Variants in CEP112 observed in about 807,000 individuals in gnomAD.
CEP112 encodes centrosomal protein of 112 kDa.
CEP112 carries 127 observed loss-of-function variants against 153.0 expected under a neutral mutation model. That is an observed-to-expected ratio of 0.83 (90% confidence interval 0.72 to 0.96). The LOEUF (loss-of-function observed/expected upper bound fraction) is 0.96, where lower values mean the gene tolerates loss of function less well. Among genes scored for constraint, CEP112 ranks in the 40% least tolerant of loss-of-function variants. CEP112 has a pLI of 0.00. For missense variants in CEP112, 1,089 were observed against 1,101.2 expected, an observed-to-expected ratio of 0.99 and a Z score of 0.16; for synonymous variants, 358 against 374.4, an observed-to-expected ratio of 0.96 and a Z score of 0.51.
chr17:66,111,851 T>C (rs977815855), intron 6 of CEP112, among the ~76,000 whole-genome samples: 2 of 152,030 alleles, frequency 1.3e-5, no homozygotes, highest in African/African-American at 2.4e-5. Context: ...TAAAAAAGCA[T>C]CAGTAAGAGA....
intron 23 of CEP112, among the ~76,000 whole-genome samples, chr17:65,737,905 C>T (rs1016653413): frequency 2.0e-5 from 3 of 152,204 alleles, no homozygotes; most frequent in Non-Finnish European, 4.4e-5. Flanking sequence ...TGCATTCAGT[C>T]TATGTCTGTT....
At chr17:66,089,866 C>G (rs2068070936) in intron 8 of CEP112, among the ~76,000 whole-genome samples, 1 of 152,118 alleles carries the variant, frequency 6.6e-6, no homozygotes, top group Non-Finnish European at 1.5e-5. Context: ...TCAAGCAAGA[C>G]TATACCAAGC....
intron 4 of CEP112, among the ~76,000 whole-genome samples, chr17:66,168,405 GTA>G (rs1026056076): frequency 1.2e-4 from 16 of 136,694 alleles, no homozygotes; most frequent in East Asian, 2.0e-4. Context: ...ATATATATGT[GTA>G]TATGTGTGTG....
chr17:65,780,218 C>A (rs2053922523), intron 21 of CEP112, among the ~76,000 whole-genome samples: 2 of 152,096 alleles, frequency 1.3e-5, no homozygotes, highest in Non-Finnish European at 2.9e-5. Flanking sequence ...ACATGGCTAA[C>A]ACCCATAAAT....
At chr17:65,736,466 T>C (rs756540471) in intron 23 of CEP112, among the ~76,000 whole-genome samples, 9 of 152,092 alleles carry the variant, frequency 5.9e-5, no homozygotes, top group Non-Finnish European at 1.2e-4. Flanking sequence ...GTTTGAATGG[T>C]GATGAAAATT....
Position 65,971,143 on chromosome 17 carries a change from G to A in CEP112, c.1737-9545C>T, listed in dbSNP as rs900549020. ...CGTGTATGAGATTTATATTGCATGT[G>A]CACATGATACATGTACATTACATGT... On this transcript the variant is annotated intron_variant, in intron 17 of 26. Transcript: ENST00000535342. Among the ~76,000 whole-genome samples the A allele has an allele frequency of 3.3e-5, 5 of 152,132 alleles. No homozygotes were observed. The East Asian group carries it at 5.8e-4, about 18-fold the overall frequency.
intron 24 of CEP112, among the ~76,000 whole-genome samples, chr17:65,678,008 A>C (rs1015909405): frequency 6.6e-6 from 1 of 151,460 alleles, no homozygotes; most frequent in Non-Finnish European, 1.5e-5. Context: ...CCCTTTCTCA[A>C]CAGAAAAAGG....
chr17:65,976,966 G>A (rs62064324), intron 17 of CEP112, among the ~76,000 whole-genome samples: 62,447 of 151,862 alleles, frequency 0.41, 14,301 homozygotes, highest in East Asian at 0.87. Flanking sequence ...TCAAACTCCC[G>A]ACCTCAGGTG....
At chr17:66,078,798 A>G (rs2067606400) in intron 8 of CEP112, among the ~76,000 whole-genome samples, 2 of 152,054 alleles carry the variant, frequency 1.3e-5, no homozygotes. Flanking sequence ...TCCTTTTAGC[A>G]CTTCTTGTAG....
chr17:66,005,848 G>A, intron 16 of CEP112, 79 bp from the exon 17 acceptor site: 1 of 1,190,976 alleles, frequency 8.4e-7, no homozygotes, highest in Non-Finnish European at 1.2e-6. Context: ...CAATGAAACA[G>A]TGATCACAAA....
intron 19 of CEP112, among the ~76,000 whole-genome samples, chr17:65,911,038 A>C (rs1490324305): frequency 1.3e-5 from 2 of 152,232 alleles, no homozygotes; most frequent in African/African-American, 2.4e-5. Context: ...AGGATGATCA[A>C]AAAATTTTAT....
intron 24 of CEP112, among the ~76,000 whole-genome samples, chr17:65,659,604 A>G (rs983708366): frequency 1.3e-5 from 2 of 152,332 alleles, no homozygotes; most frequent in Middle Eastern, 3.4e-3. Flanking sequence ...ACAGCAGAAC[A>G]TTTCTTAACA....
Position 65,836,181 on chromosome 17 carries a change from C to G in CEP112, c.2394+15623G>C, listed in dbSNP as rs1226090073. Among the ~76,000 whole-genome samples, 3 of 151,940 alleles carry G rather than the reference C, an allele frequency of 2.0e-5. No homozygotes were observed. In the East Asian group the frequency reaches 5.8e-4, roughly 29 times the overall value. On this transcript the variant is annotated intron_variant, in intron 21 of 26. Coordinates refer to ENST00000535342, the MANE Select transcript of CEP112 (RefSeq NM_001199165.4). Reference sequence around the variant, plus strand: ...ATAGCATAGAATCGAAACATACTACCAAAGAAAATCAGTTAACCGCAAAGG... The same window carrying G: ...ATAGCATAGAATCGAAACATACTACGAAAGAAAATCAGTTAACCGCAAAGG...
chr17:65,721,204 G>T (rs952997278), intron 23 of CEP112, among the ~76,000 whole-genome samples: 5 of 152,114 alleles, frequency 3.3e-5, no homozygotes, highest in Non-Finnish European at 5.9e-5. Flanking sequence ...TAGAGACGGG[G>T]TCTCACCGTG....
chr17:66,168,902 C>T (rs1043489728), intron 4 of CEP112, among the ~76,000 whole-genome samples: 2 of 152,132 alleles, frequency 1.3e-5, no homozygotes, highest in Non-Finnish European at 2.9e-5. Context: ...ACTTCTGCCT[C>T]CTGACCAACC....
intron 4 of CEP112, among the ~76,000 whole-genome samples, chr17:66,149,868 G>GTTTTTTTTTTT (rs1198335741): frequency 2.5e-5 from 2 of 79,550 alleles, no homozygotes; most frequent in Non-Finnish European, 5.0e-5. Context: ...TAAATTTAGG[G>GTTTTTTTTTTT]TTTTTTTTTT....
intron 25 of CEP112, among the ~76,000 whole-genome samples, chr17:65,638,178 C>T (rs1406046545): frequency 3.3e-5 from 5 of 152,200 alleles, no homozygotes; most frequent in African/African-American, 1.2e-4. Flanking sequence ...CTGGAGGAAA[C>T]TGGGTTGTTT....
At chr17:66,040,724 A>C (rs2065937724) in intron 12 of CEP112, among the ~76,000 whole-genome samples, 1 of 152,206 alleles carries the variant, frequency 6.6e-6, no homozygotes, top group South Asian at 2.1e-4. Context: ...TGCTGGTCTC[A>C]GGTGATCTGC....
chr17:65,962,450 A>G (rs184160775), intron 17 of CEP112, among the ~76,000 whole-genome samples: 1 of 152,360 alleles, frequency 6.6e-6, no homozygotes, highest in Non-Finnish European at 1.5e-5. Flanking sequence ...CGGAAACTAT[A>G]TAGCTGAAAG....
Sources: gnomAD v4.1 joint callset for allele counts (sites outside exome capture counted in the v4.1 genomes callset) on GRCh38, gnomAD v4.1.1 for gene constraint, MANE v1.5 for transcripts, NCBI Gene and HGNC (gene_info 2026-07-23, HGNC 2026-07-21) for gene names.